Variants in DCAF17 observed in about 807,000 individuals in gnomAD.
The protein encoded by DCAF17 is DDB1 and CUL4 associated factor 17.
Under a neutral mutation model 66.0 loss-of-function variants are expected in DCAF17, and 48 were observed. That is an observed-to-expected ratio of 0.73 (90% CI 0.58 to 0.92). The LOEUF is 0.92. DCAF17 is among the 40% of genes least tolerant of loss of function. DCAF17 has a pLI of 0.00. For synonymous variants in DCAF17, 206 were observed against 214.6 expected (o/e 0.96, Z 0.35); for missense variants, 562 against 622.8 (o/e 0.90, Z 1.04).
intron 2 of DCAF17, among the ~76,000 whole-genome samples, chr2:171,436,728 T>G (rs1693989805): frequency 6.6e-6 from 1 of 151,818 alleles, no homozygotes; most frequent in African/African-American, 2.4e-5. Context: ...ATTGTGTAGA[T>G]TGTCTTTTTA....
intron 8 of DCAF17, among the ~76,000 whole-genome samples, chr2:171,467,727 CAAAAAAAAAA>C (rs34238683): frequency 4.4e-5 from 3 of 68,740 alleles, no homozygotes; most frequent in African/African-American, 1.7e-4. Context: ...GAGACTGTCT[CAAAAAAAAAA>C]AAAAAAAAAA....
chr2:171,466,727 G>GTTTTTT (rs74268270), intron 8 of DCAF17, among the ~76,000 whole-genome samples: 3 of 133,634 alleles, frequency 2.2e-5, no homozygotes, highest in Non-Finnish European at 3.2e-5. Flanking sequence ...TGTTTGTACT[G>GTTTTTT]TTTTTTTTTT....
At chr2:171,472,620 TG>T (rs1360693768) in intron 9 of DCAF17, among the ~76,000 whole-genome samples, 1 of 152,334 alleles carries the variant, frequency 6.6e-6, no homozygotes, top group Admixed American at 6.5e-5. Context: ...AATCACTTAT[TG>T]GAGTACAGTG....
At chr2:171,441,332 C>T (rs1196425188) in intron 2 of DCAF17, among the ~76,000 whole-genome samples, 2 of 152,204 alleles carry the variant, frequency 1.3e-5, no homozygotes, top group Non-Finnish European at 2.9e-5. Context: ...ACTCTAGAAG[C>T]TGCGCACTTG....
intron 4 of DCAF17, among the ~76,000 whole-genome samples, chr2:171,449,327 C>T (rs938860582): frequency 1.3e-5 from 2 of 152,032 alleles, no homozygotes; most frequent in African/African-American, 4.8e-5. Flanking sequence ...CTTTGTATCC[C>T]TAATAAGTAA....
At position 171,483,920 on chromosome 2, in the gene DCAF17, C is replaced by T; in HGVS notation, c.*2806C>T. 1 of 453,980 alleles carries T rather than the reference C, an allele frequency of 2.2e-6. No homozygotes were observed. Among genetic ancestry groups the T allele is most frequent in the Non-Finnish European group, 4.4e-6 (1 of 226,770 alleles). 28.1% of individuals were successfully genotyped at this position (453,980 alleles called of 1,614,324 possible). On this transcript the variant is annotated 3_prime_UTR_variant, in exon 14 of 14. Coordinates refer to ENST00000375255, the MANE Select transcript of DCAF17 (RefSeq NM_025000.4). ...AATTTCCTCCAAAGTTCTCAAAAGGCAAGGCATGTTATTTTATCCCAATTT... is the reference window on the plus strand; with the variant it reads ...AATTTCCTCCAAAGTTCTCAAAAGGTAAGGCATGTTATTTTATCCCAATTT...
chr2:171,448,860 T>A (rs755643591), intron 4 of DCAF17, 43 bp downstream of exon 4: 3 of 1,572,774 alleles, frequency 1.9e-6, no homozygotes, highest in Non-Finnish European at 2.6e-6. Flanking sequence ...ATTTTAAAAA[T>A]TTGAAACCTG....
intron 6 of DCAF17, 79 bp from the exon 7 acceptor site, chr2:171,457,892 G>A: frequency 9.2e-7 from 1 of 1,092,770 alleles, no homozygotes; most frequent in Non-Finnish European, 1.4e-6. Flanking sequence ...TATTAAGCAA[G>A]AGTACAAACC....
At position 171,481,839 on chromosome 2, in the gene DCAF17, C is replaced by T. The variant is rs956936813; in HGVS notation, c.*725C>T. 3 of 453,694 alleles carry T rather than the reference C, an allele frequency of 6.6e-6. No individual in the cohort carries two copies. The highest frequency in any genetic ancestry group is 6.9e-5 in the East Asian group (1 of 14,408). 28.1% of individuals were successfully genotyped at this position (453,694 alleles called of 1,614,324 possible). A position where few individuals can be genotyped will look rare whatever the true frequency, so the allele number is the denominator to read the frequency against. Reference sequence around the variant, plus strand: ...GTTTTCTGATTTGCATCCTGTTTAGCTCTTAATGTATCTAAGGATGTTCTC... The same window carrying T: ...GTTTTCTGATTTGCATCCTGTTTAGTTCTTAATGTATCTAAGGATGTTCTC... On this transcript the variant is annotated 3_prime_UTR_variant, in exon 14 of 14. Transcript: ENST00000375255.
intron 10 of DCAF17, 64 bp from the exon 11 acceptor site, chr2:171,476,796 A>C (rs1048750670): frequency 8.2e-7 from 1 of 1,216,100 alleles, no homozygotes; most frequent in Non-Finnish European, 1.2e-6. Context: ...TTCAGTACTT[A>C]AACTTTGGCA....
At chr2:171,454,011 C>T (rs1695101909) in intron 6 of DCAF17, among the ~76,000 whole-genome samples, 1 of 151,970 alleles carries the variant, frequency 6.6e-6, no homozygotes, top group Non-Finnish European at 1.5e-5. Context: ...GAATATTTTA[C>T]AACATTGTAA....
chr2:171,476,456 A>G (rs944201968), intron 10 of DCAF17, among the ~76,000 whole-genome samples: 1 of 152,214 alleles, frequency 6.6e-6, no homozygotes, highest in African/African-American at 2.4e-5. Flanking sequence ...AGTGTTGCTC[A>G]TAGATATCTC....
Position 171,483,365 on chromosome 2 carries a change from G to A in DCAF17, c.*2251G>A, listed in dbSNP as rs1237624233. 2.2e-6 allele frequency: 1 copy of A among 454,114 alleles called. No homozygotes were observed. The highest frequency in any genetic ancestry group is 2.3e-5 in the Admixed American group (1 of 42,578). 28.1% of individuals were successfully genotyped at this position (454,114 alleles called of 1,614,324 possible). ...ATTCTGAGTGTTTAATGCAAGCCCA[G>A]GTGAAGCAGGGTAGCTTCCATCAGC... On this transcript the variant is annotated 3_prime_UTR_variant, in exon 14 of 14. Transcript: ENST00000375255.
At chr2:171,463,803 T>TTTTA (rs1695736979) in intron 8 of DCAF17, among the ~76,000 whole-genome samples, 1 of 152,196 alleles carries the variant, frequency 6.6e-6, no homozygotes, top group Non-Finnish European at 1.5e-5. Flanking sequence ...ATAGCTGGCA[T>TTTTA]TTTTCTAGAA....
rs1193049371 is a variant in DCAF17 at position 171,483,811 on chromosome 2, G to A, written c.*2697G>A. 2.2e-6 allele frequency: 1 copy of A among 453,952 alleles called. No homozygotes were observed. Among genetic ancestry groups the A allele is most frequent in the Non-Finnish European group, 4.4e-6 (1 of 226,796 alleles). 28.1% of individuals were successfully genotyped at this position (453,952 alleles called of 1,614,324 possible). On this transcript the variant is annotated 3_prime_UTR_variant, in exon 14 of 14. Coordinates refer to ENST00000375255, the MANE Select transcript of DCAF17 (RefSeq NM_025000.4). Reference sequence around the variant, plus strand: ...ACAAATGAGGAAAGTGAGGCTCACAGAAGTTAATTGGCCCAGGGTCCCACA... The same window carrying A: ...ACAAATGAGGAAAGTGAGGCTCACAAAAGTTAATTGGCCCAGGGTCCCACA...
chr2:171,448,934 T>A, intron 4 of DCAF17, 117 bp downstream of exon 4: 2 of 887,134 alleles, frequency 2.3e-6, no homozygotes, highest in Non-Finnish European at 3.6e-6. Context: ...AGATCTCAAT[T>A]AATAAACCTA....
chr2:171,470,139 T>C (rs985606923), intron 9 of DCAF17, among the ~76,000 whole-genome samples: 11 of 152,200 alleles, frequency 7.2e-5, no homozygotes, highest in African/African-American at 2.7e-4. Context: ...TCCTCCCACC[T>C]CAGCCTCCTG....
chr2:171,467,454 C>T (rs1265181035), intron 8 of DCAF17, among the ~76,000 whole-genome samples: 1 of 151,870 alleles, frequency 6.6e-6, no homozygotes, highest in African/African-American at 2.4e-5. Flanking sequence ...TTTGGGAGGC[C>T]GAGGCAGGCG....
intron 2 of DCAF17, among the ~76,000 whole-genome samples, chr2:171,441,085 C>T (rs895166410): frequency 3.9e-5 from 6 of 152,178 alleles, no homozygotes; most frequent in South Asian, 2.1e-4. Context: ...CCTGTATCTC[C>T]GCTGAGTCTA....
Sources: gnomAD v4.1 joint callset for allele counts (sites outside exome capture counted in the v4.1 genomes callset) on GRCh38, gnomAD v4.1.1 for gene constraint, MANE v1.5 for transcripts, NCBI Gene and HGNC (gene_info 2026-07-23, HGNC 2026-07-21) for gene names.